The following MAGI3 variants were observed in gnomAD, a reference collection of about 807,000 sequenced individuals.
MAGI3 encodes the protein membrane-associated guanylate kinase, WW and PDZ domain-containing protein 3.
In MAGI3, 43 loss-of-function variants were observed where a neutral mutation model predicts 121.8. The observed-to-expected ratio is 0.35, with a 90% CI of 0.28 to 0.46. The LOEUF is 0.46. Ranked by LOEUF, MAGI3 falls within the 20% of genes least tolerant of loss-of-function variation. MAGI3 has a pLI of 1.00. For missense variants in MAGI3, 1,547 were observed against 1,797.3 expected, an observed-to-expected ratio of 0.86 and a Z score of 2.52; for synonymous variants, 553 against 639.3, an observed-to-expected ratio of 0.86 and a Z score of 2.04.
chr1:113,682,078 C>T, intron 20 of MAGI3: 1 of 1,084,868 alleles, frequency 9.2e-7, no homozygotes, highest in Non-Finnish European at 1.3e-6. Flanking sequence ...ACCCTTCCAG[C>T]TTATGATTCT....
intron 1 of MAGI3, among the ~76,000 whole-genome samples, chr1:113,525,027 A>T (rs994923948): frequency 1.6e-4 from 25 of 152,182 alleles, no homozygotes; most frequent in African/African-American, 5.1e-4. Flanking sequence ...TTCTTGCACA[A>T]GCTCTCTTCT....
chr1:113,652,239 T>C (rs1273983730), intron 14 of MAGI3, among the ~76,000 whole-genome samples: 1 of 152,178 alleles, frequency 6.6e-6, no homozygotes, highest in Non-Finnish European at 1.5e-5. Context: ...ATTAAAAAAA[T>C]ACAACTCTGT....
At chr1:113,628,354 G>A (rs1651373425) in intron 9 of MAGI3, among the ~76,000 whole-genome samples, 1 of 151,826 alleles carries the variant, frequency 6.6e-6, no homozygotes, top group South Asian at 2.1e-4. Flanking sequence ...TAAATTTTTT[G>A]TTATTTCTCT....
At chr1:113,664,619 G>A (rs1333605826) in intron 16 of MAGI3, among the ~76,000 whole-genome samples, 2 of 152,150 alleles carry the variant, frequency 1.3e-5, no homozygotes, top group Non-Finnish European at 2.9e-5. Flanking sequence ...GGGTATACAT[G>A]TATTTGATTT....
At chr1:113,649,952 G>T (rs1217935627) in intron 13 of MAGI3, among the ~76,000 whole-genome samples, 1 of 152,078 alleles carries the variant, frequency 6.6e-6, no homozygotes, top group Non-Finnish European at 1.5e-5. Flanking sequence ...AAATGTAGTG[G>T]GTTTTGTTTC....
chr1:113,509,983 C>T (rs1400755381), intron 1 of MAGI3, among the ~76,000 whole-genome samples: 3 of 152,166 alleles, frequency 2.0e-5, no homozygotes, highest in East Asian at 1.9e-4. Flanking sequence ...TCCGTCTCAT[C>T]GGATGGACCT....
At chr1:113,631,167 TCTC>T (rs1228357644) in intron 9 of MAGI3, among the ~76,000 whole-genome samples, 8 of 152,270 alleles carry the variant, frequency 5.3e-5, no homozygotes, top group Admixed American at 2.6e-4. Flanking sequence ...GCATGCAAAT[TCTC>T]ACCACCAGTG....
At chr1:113,605,603 AT>A (rs375248804) in intron 6 of MAGI3, among the ~76,000 whole-genome samples, 19 of 150,088 alleles carry the variant, frequency 1.3e-4, no homozygotes, top group South Asian at 4.2e-4. Flanking sequence ...CAAGCACTCG[AT>A]TTTTTTTTTC....
In MAGI3 at chr1:113,585,548, G is replaced by A. The variant is rs1200781722; in HGVS notation, c.715G>A (p.Glu239Lys). ...AAGAATGGATAGCTCTCTTCCTGAAGAGGAAGAAGATGAGGACAAGGAAGC... is the reference window on the plus strand; with the variant it reads ...AAGAATGGATAGCTCTCTTCCTGAAAAGGAAGAAGATGAGGACAAGGAAGC... The part of the protein sequence containing the change: ...MERMDSSLPE[E>K]EEDEDKEAIN... The change falls in exon 4 of 21, where the codon GAG (glutamate) becomes AAG (lysine). Residue 239 changes from glutamate to lysine, a missense_variant. Transcript: ENST00000307546. 2 of 1,614,130 alleles carry A rather than the reference G, an allele frequency of 1.2e-6. No individual in the cohort carries two copies. Among genetic ancestry groups the A allele is most frequent in the South Asian group, 2.2e-5 (2 of 91,074 alleles).
chr1:113,614,195 C>G (rs1650320799), intron 6 of MAGI3, among the ~76,000 whole-genome samples: 1 of 152,018 alleles, frequency 6.6e-6, no homozygotes, highest in Admixed American at 6.6e-5. Context: ...AGAAGTGGGT[C>G]TGAACATAAC....
rs115262754 is a variant in MAGI3 at position 113,596,811 on chromosome 1, A to C, written c.1018+2251A>C. Among the ~76,000 whole-genome samples, 1,059 of 149,584 alleles carry C rather than the reference A, an allele frequency of 7.1e-3. 15 individuals are homozygous for C. Among genetic ancestry groups the C allele is most frequent in the African/African-American group, 0.025 (990 of 40,366 alleles). On this transcript the variant is annotated intron_variant, in intron 6 of 20. Coordinates refer to ENST00000307546, the MANE Select transcript of MAGI3 (RefSeq NM_001142782.2). ...TAGAATGAGTATAACAAAAAAAAAA[A>C]CAGATGGTAACTAATCTTGGGGAGG...
At chr1:113,508,435 A>G (rs1315404036) in intron 1 of MAGI3, among the ~76,000 whole-genome samples, 2 of 152,122 alleles carry the variant, frequency 1.3e-5, no homozygotes, top group Non-Finnish European at 2.9e-5. Context: ...TGTTTTCCTC[A>G]TGGGCTCAAA....
chr1:113,455,863 C>T (rs1023412292), intron 1 of MAGI3, among the ~76,000 whole-genome samples: 10 of 152,088 alleles, frequency 6.6e-5, no homozygotes, highest in East Asian at 1.9e-4. Flanking sequence ...TTTGCTTATT[C>T]TTGCCTAGCA....
intron 16 of MAGI3, among the ~76,000 whole-genome samples, chr1:113,669,062 C>G (rs976393322): frequency 4.6e-5 from 7 of 152,214 alleles, no homozygotes; most frequent in African/African-American, 1.4e-4. Flanking sequence ...TAAATTATCT[C>G]TCTTGACCAC....
intron 2 of MAGI3, among the ~76,000 whole-genome samples, chr1:113,550,415 CA>C (rs1052081351): frequency 4.3e-4 from 59 of 137,092 alleles, no homozygotes; most frequent in African/African-American, 5.1e-4. Flanking sequence ...GATTCCGTCT[CA>C]AAAAAAAAAA....
chr1:113,609,077 G>A (rs373097767), intron 6 of MAGI3, among the ~76,000 whole-genome samples: 6 of 152,024 alleles, frequency 3.9e-5, no homozygotes, highest in Admixed American at 2.6e-4. Context: ...ACTTATCTTC[G>A]GGGGAGCCTA....
At chr1:113,466,587 A>C (rs1021044982) in intron 1 of MAGI3, among the ~76,000 whole-genome samples, 2 of 152,104 alleles carry the variant, frequency 1.3e-5, no homozygotes, top group African/African-American at 4.8e-5. Context: ...TAGAATCATC[A>C]ATAGAGCCAT....
chr1:113,580,501 A>G, intron 2 of MAGI3, 41 bp from the exon 3 acceptor site: 1 of 1,569,904 alleles, frequency 6.4e-7, no homozygotes, highest in Non-Finnish European at 8.6e-7. Context: ...TGTAAGTTTA[A>G]AAGTACTTTA....
At chr1:113,629,763 C>T (rs12117572) in intron 9 of MAGI3, among the ~76,000 whole-genome samples, 2,815 of 44,702 alleles carry the variant, frequency 0.063, 107 homozygotes, top group African/African-American at 0.19. Context: ...TCTCTCTCTC[C>T]CTCCCTCCCT....
Sources: gnomAD v4.1 joint callset for allele counts (sites outside exome capture counted in the v4.1 genomes callset) on GRCh38, gnomAD v4.1.1 for gene constraint, MANE v1.5 for transcripts, NCBI Gene and HGNC (gene_info 2026-07-23, HGNC 2026-07-21) for gene names.